Variants in RUVBL1 observed in about 807,000 individuals in gnomAD.
RUVBL1 encodes the protein ruvB-like 1.
A neutral mutation model predicts 52.4 loss-of-function variants in RUVBL1; 4 were observed. The observed-to-expected ratio is 0.08, with a 90% CI of 0.04 to 0.17. RUVBL1 has a LOEUF of 0.17. Ranked by LOEUF, RUVBL1 falls within the 10% of genes least tolerant of loss-of-function variation. The pLI, the probability that RUVBL1 is intolerant of heterozygous loss-of-function variation, is 1.00. For missense variants in RUVBL1, 298 were observed against 572.8 expected, an observed-to-expected ratio of 0.52 and a Z score of 4.90; for synonymous variants, 217 against 214.4, an observed-to-expected ratio of 1.01 and a Z score of -0.10.
In RUVBL1 at chr3:128,073,987, T is replaced by C. The variant is rs569444517; in HGVS notation, c.940-8767A>G. Among the ~76,000 whole-genome samples, 5 of 152,138 alleles carry C rather than the reference T, an allele frequency of 3.3e-5. No individual in the cohort carries two copies. The South Asian group carries it at 1.0e-3, about 32-fold the overall frequency. ...GAAAGCAAGAAACAATAGCGTATGC[T>C]ACCATTTGTGTTTAAAAGGGGGGTA... On this transcript the variant is annotated intron_variant, in intron 9 of 9. Coordinates refer to the RUVBL1 transcript ENST00000464873.
At position 128,143,107 on chromosome 3, in the gene RUVBL1, C is replaced by T. The variant is rs1393086195; in HGVS notation, c.-40+10096G>A. On this transcript the variant is annotated intron_variant, in intron 1 of 9. Transcript: ENST00000464873. ...CTCCTGCCACTCTCTTATAAGGTCC[C>T]TTCATGATTACACCAGGCCCACCCT... Among the ~76,000 whole-genome samples the T allele has an allele frequency of 2.0e-5, 3 of 151,650 alleles. No homozygotes were observed. The East Asian group carries it at 5.9e-4, about 30-fold the overall frequency.
In RUVBL1 at chr3:128,130,609, AAAAAATTT is replaced by A. The variant is rs1427577212; in HGVS notation, c.-39-11203_-39-11196del. ...CCCCATCTCTACAAAAAAAAAAAAA[AAAAAATTT>A]TATTTATTTATGTATTTATTTATTT... is the stretch of plus-strand genomic sequence containing the variant. On this transcript the variant is annotated intron_variant, in intron 1 of 9. Coordinates refer to the RUVBL1 transcript ENST00000464873. Among the ~76,000 whole-genome samples the A allele has an allele frequency of 1.2e-4, 17 of 141,742 alleles. 1 individual carries two copies. Among genetic ancestry groups the A allele is most frequent in the African/African-American group, 4.3e-4 (16 of 37,604 alleles). 93.0% of individuals were successfully genotyped at this position (141,742 alleles called of 152,430 possible).
chr3:128,150,687 A>C (rs1458028838), intron 1 of RUVBL1, among the ~76,000 whole-genome samples: 2 of 126,454 alleles, frequency 1.6e-5, no homozygotes, highest in South Asian at 2.3e-4. Flanking sequence ...TATATATTCT[A>C]TATATTATAT....
Position 128,081,610 on chromosome 3 carries a change from G to C in RUVBL1, c.1212-201C>G. ...TCATTATCCCATCAGAGAGGGTCCA[G>C]GAGCCACCAAGAAGACATAAGTGCT... On this transcript the variant is annotated intron_variant, in intron 10 of 10. Transcript: ENST00000322623. This position sits in a 1 kb window ranked among gnomAD's most constrained non-coding sequence, Gnocchi z 4.8. 1 of 574,478 alleles carries C rather than the reference G, an allele frequency of 1.7e-6. No homozygotes were observed. 35.6% of individuals were successfully genotyped at this position (574,478 alleles called of 1,614,324 possible).
chr3:128,096,056 G>C (rs1942961041), intron 8 of RUVBL1, among the ~76,000 whole-genome samples: 1 of 152,176 alleles, frequency 6.6e-6, no homozygotes, highest in Non-Finnish European at 1.5e-5. Context: ...TGTGTCCTGA[G>C]ATACTCATGG....
At position 128,100,724 on chromosome 3, in the gene RUVBL1, G is replaced by C. The variant is rs930397274; in HGVS notation, c.624C>G (p.Thr208=). 2 of 1,613,592 alleles carry C rather than the reference G, an allele frequency of 1.2e-6. No individual in the cohort carries two copies. The highest frequency in any genetic ancestry group is 1.7e-6 in the Non-Finnish European group (2 of 1,179,908). The change falls in exon 6 of 11, where the codon ACC becomes ACG. Residue 208 remains threonine, a synonymous_variant. Coordinates refer to ENST00000322623, the MANE Select transcript of RUVBL1 (RefSeq NM_003707.3). The part of the protein sequence containing the change: ...GAVKRQGRCD[T]YATEFDLEAE... ...CTTCAAGGTCGAATTCTGTGGCATA[G>C]GTATCACACCTGCCCTGCCTCTGCA...
exon 1 of RUVBL1, chr3:128,153,326 C>T: frequency 7.3e-7 from 1 of 1,372,248 alleles, no homozygotes; most frequent in South Asian, 1.7e-5. Flanking sequence ...GTTCCTAGAC[C>T]ACCCACTCGG....
At chr3:128,152,129 C>A (rs1944227858) in intron 1 of RUVBL1, among the ~76,000 whole-genome samples, 1 of 152,208 alleles carries the variant, frequency 6.6e-6, no homozygotes. Flanking sequence ...CTGGCCAGAG[C>A]AGACACTTAG....
rs373610392 is a variant in RUVBL1, at chr3:128,067,385, G to C, written c.940-2165C>G. ...TGCCTTGATGCTAAAGTAAAATGAA[G>C]GAGCACTCACATGCGTTTGGTTTCT... On this transcript the variant is annotated intron_variant, in intron 9 of 9. Transcript: ENST00000464873. This position sits in a 1 kb window ranked among gnomAD's most constrained non-coding sequence, Gnocchi z 4.1. 7.6e-6 allele frequency: 12 copies of C among 1,583,136 alleles called. No individual in the cohort carries two copies. Among genetic ancestry groups the C allele is most frequent in the Non-Finnish European group, 9.4e-6 (11 of 1,165,362 alleles).
chr3:128,150,809 ATATAT>A (rs1473858564), intron 1 of RUVBL1, among the ~76,000 whole-genome samples: 79 of 98,692 alleles, frequency 8.0e-4, no homozygotes, highest in African/African-American at 2.5e-3. Flanking sequence ...TATATATTCT[ATATAT>A]TATATATTCT....
At chr3:128,074,541 G>A (rs2107660962) in intron 9 of RUVBL1, among the ~76,000 whole-genome samples, 1 of 152,182 alleles carries the variant, frequency 6.6e-6, no homozygotes, top group Non-Finnish European at 1.5e-5. Context: ...TATTTTTAAC[G>A]TTTAAAAATA....
At chr3:128,080,372 G>A (rs1440516270), downstream of RUVBL1, among the ~76,000 whole-genome samples, 2 of 152,158 alleles carry the variant, frequency 1.3e-5, no homozygotes, top group Non-Finnish European at 2.9e-5. Context: ...ACTTAAGTGT[G>A]GGCTGCATAT....
intron 1 of RUVBL1, among the ~76,000 whole-genome samples, chr3:128,150,752 T>C (rs1303612148): frequency 1.4e-4 from 16 of 112,082 alleles, no homozygotes; most frequent in African/African-American, 5.2e-4. Flanking sequence ...TATTATATAT[T>C]CTCTATATAT....
chr3:128,138,283 A>G lies in RUVBL1; in HGVS notation c.-40+14920T>C, dbSNP rs560928370. Reference sequence around the variant, plus strand: ...CTTGCAGATATGATCTTATATTTACAAAAAACTAAAGATTACATGCACACA... The same window carrying G: ...CTTGCAGATATGATCTTATATTTACGAAAAACTAAAGATTACATGCACACA... On this transcript the variant is annotated intron_variant, in intron 1 of 9. Coordinates refer to the RUVBL1 transcript ENST00000464873. Among the ~76,000 whole-genome samples the G allele has an allele frequency of 8.5e-5, 13 of 152,070 alleles. No individual in the cohort carries two copies. In the East Asian group the frequency reaches 2.5e-3, roughly 29 times the overall value.
chr3:128,067,528 A>T lies in RUVBL1; in HGVS notation c.940-2308T>A, dbSNP rs1174150622. On this transcript the variant is annotated intron_variant, in intron 9 of 9. Coordinates refer to the RUVBL1 transcript ENST00000464873. This position sits in a 1 kb window ranked among gnomAD's most constrained non-coding sequence, Gnocchi z 4.1. ...CCGTGTTAGAAGACCCGGTCCATGCAGTTGTATACATAGTGTTCATGCTGG... is the reference window on the plus strand; with the variant it reads ...CCGTGTTAGAAGACCCGGTCCATGCTGTTGTATACATAGTGTTCATGCTGG... The T allele has an allele frequency of 1.2e-6, 2 of 1,614,152 alleles. No individual in the cohort carries two copies. The highest frequency in any genetic ancestry group is 3.3e-5 in the Admixed American group (2 of 60,016).
chr3:128,094,642 C>A (rs1229078095), intron 8 of RUVBL1, among the ~76,000 whole-genome samples: 4 of 152,210 alleles, frequency 2.6e-5, no homozygotes, highest in African/African-American at 9.7e-5. Context: ...ATAACCTCAA[C>A]TGCTCACAGG....
chr3:128,142,728 C>A (rs766850218), intron 1 of RUVBL1, among the ~76,000 whole-genome samples: 2 of 152,126 alleles, frequency 1.3e-5, no homozygotes, highest in Non-Finnish European at 2.9e-5. Flanking sequence ...CCAAAAATGG[C>A]CAGTTGAGTC....
At chr3:128,071,500 C>T (rs566133567) in intron 9 of RUVBL1, 21 of 152,686 alleles carry the variant, frequency 1.4e-4, no homozygotes, top group African/African-American at 4.8e-4. Flanking sequence ...CCCATAGTCC[C>T]GCCTGCAGCC....
chr3:128,080,352 AACCCCTGCCACTTAAGT>A (rs1559804843), downstream of RUVBL1, among the ~76,000 whole-genome samples: 1 of 152,230 alleles, frequency 6.6e-6, no homozygotes, highest in Admixed American at 6.5e-5. Flanking sequence ...AGGTGAGCAT[AACCCCTGCCACTTAAGT>A]GTGGGCTGCA....
Sources: allele counts gnomAD v4.1 joint callset (sites outside exome capture counted in the v4.1 genomes callset), GRCh38; gene constraint gnomAD v4.1.1; non-coding constraint Gnocchi (gnomAD v3.1); transcripts MANE v1.5; gene names NCBI Gene and HGNC (gene_info 2026-07-23, HGNC 2026-07-21).